The following KCTD8 variants were observed in gnomAD, a reference collection of about 807,000 sequenced individuals.
KCTD8 encodes the protein potassium channel tetramerization domain containing 8, also known as BTB/POZ domain-containing protein KCTD8.
In KCTD8, 27 loss-of-function variants were observed where a neutral mutation model predicts 31.5. That is an observed-to-expected ratio of 0.86 (90% CI 0.63 to 1.18). The LOEUF (loss-of-function observed/expected upper bound fraction) is 1.18. Among genes scored for constraint, KCTD8 ranks in the 50% most tolerant of loss-of-function variants. KCTD8 has a pLI of 0.00. For synonymous variants in KCTD8, 290 were observed against 280.0 expected, an observed-to-expected ratio of 1.04 and a Z score of -0.36; for missense variants, 658 against 647.7, an observed-to-expected ratio of 1.02 and a Z score of -0.17.
At chr4:44,410,489 T>C (rs1175281030) in intron 1 of KCTD8, among the ~76,000 whole-genome samples, 2 of 152,138 alleles carry the variant, frequency 1.3e-5, no homozygotes, top group South Asian at 2.1e-4. Flanking sequence ...GGTTAAGTAA[T>C]TTTCCCAAAT....
intron 1 of KCTD8, among the ~76,000 whole-genome samples, chr4:44,231,757 A>G (rs892171818): frequency 6.6e-6 from 1 of 152,032 alleles, no homozygotes; most frequent in Non-Finnish European, 1.5e-5. Context: ...ATTTTTCTGG[A>G]ATGAGTAAAT....
intron 1 of KCTD8, among the ~76,000 whole-genome samples, chr4:44,197,276 C>A (rs918399257): frequency 3.2e-4 from 49 of 152,208 alleles, no homozygotes; most frequent in African/African-American, 1.1e-3. Context: ...CTCCACAGGG[C>A]AAGTCCAGGA....
At chr4:44,392,648 G>A (rs2109450914) in intron 1 of KCTD8, among the ~76,000 whole-genome samples, 1 of 152,060 alleles carries the variant, frequency 6.6e-6, no homozygotes, top group South Asian at 2.1e-4. Context: ...CTTAATAAGT[G>A]GTTTTTGATC....
At chr4:44,320,179 A>AT (rs1249955648) in intron 1 of KCTD8, among the ~76,000 whole-genome samples, 2 of 143,884 alleles carry the variant, frequency 1.4e-5, no homozygotes, top group Non-Finnish European at 3.0e-5. Context: ...TCAAAAAAAA[A>AT]AAAAAAAAAA....
chr4:44,185,001 A>G (rs986988367), intron 1 of KCTD8, among the ~76,000 whole-genome samples: 7 of 152,238 alleles, frequency 4.6e-5, no homozygotes, highest in African/African-American at 1.7e-4. Context: ...AATGCAGCAT[A>G]AGAAAAGAAA....
chr4:44,327,816 T>TA (rs1718488013), intron 1 of KCTD8, among the ~76,000 whole-genome samples: 1 of 151,818 alleles, frequency 6.6e-6, no homozygotes. Flanking sequence ...TCCTAACTCA[T>TA]ACAGTTGCTG....
chr4:44,430,535 T>C (rs1267623850), intron 1 of KCTD8, among the ~76,000 whole-genome samples: 1 of 151,600 alleles, frequency 6.6e-6, no homozygotes, highest in African/African-American at 2.4e-5. Context: ...ATGGCCTATC[T>C]TTGTTGTCCT....
At chr4:44,185,988 G>C (rs1001428695) in intron 1 of KCTD8, among the ~76,000 whole-genome samples, 1 of 152,100 alleles carries the variant, frequency 6.6e-6, no homozygotes, top group Admixed American at 6.5e-5. Flanking sequence ...CTCCACCTTC[G>C]GGCCTGTGCC....
intron 1 of KCTD8, among the ~76,000 whole-genome samples, chr4:44,323,325 C>G (rs1368012541): frequency 6.6e-6 from 1 of 151,834 alleles, no homozygotes; most frequent in East Asian, 1.9e-4. Flanking sequence ...GAAGCCCTCC[C>G]TCTTCTAAAA....
chr4:44,366,057 T>C (rs1456786016), intron 1 of KCTD8, among the ~76,000 whole-genome samples: 41 of 152,170 alleles, frequency 2.7e-4, no homozygotes, highest in Admixed American at 2.6e-3. Context: ...TATATATCGG[T>C]TGTCTGCATA....
chr4:44,302,392 A>T (rs906684339), intron 1 of KCTD8, among the ~76,000 whole-genome samples: 1 of 152,012 alleles, frequency 6.6e-6, no homozygotes. Context: ...CTTTTATTTC[A>T]TTGAGCAGTG....
intron 1 of KCTD8, among the ~76,000 whole-genome samples, chr4:44,394,119 T>G (rs2109451951): frequency 6.6e-6 from 1 of 152,040 alleles, no homozygotes; most frequent in Non-Finnish European, 1.5e-5. Context: ...ATATAGAAAA[T>G]TCATTCCAAA....
chr4:44,355,655 T>C (rs1213323980), intron 1 of KCTD8, among the ~76,000 whole-genome samples: 1 of 152,180 alleles, frequency 6.6e-6, no homozygotes, highest in Non-Finnish European at 1.5e-5. Flanking sequence ...TTTTGACAGC[T>C]AGGGTTGACT....
At chr4:44,288,981 G>A (rs1256353563) in intron 1 of KCTD8, among the ~76,000 whole-genome samples, 3 of 151,074 alleles carry the variant, frequency 2.0e-5, no homozygotes, top group Non-Finnish European at 3.0e-5. Context: ...AAATGATACA[G>A]GTTAAAATAT....
In KCTD8 at chr4:44,444,565, G is replaced by A. The variant is rs190670389; in HGVS notation, c.961+2998C>T. On this transcript the variant is annotated intron_variant, in intron 1 of 1. Coordinates refer to ENST00000360029, the MANE Select transcript of KCTD8 (RefSeq NM_198353.3). ...ATAGTTAACAGCTAACATTTGTTAA[G>A]CTTTTATTATGAGTCAGGCACTAAT... 2.4e-3 allele frequency among the ~76,000 whole-genome samples: 358 copies of A among 152,214 alleles called. 4 individuals carry two copies. Among genetic ancestry groups the A allele is most frequent in the Non-Finnish European group, 4.0e-4 (27 of 68,018 alleles).
intron 1 of KCTD8, among the ~76,000 whole-genome samples, chr4:44,395,504 G>C (rs1577653150): frequency 6.6e-6 from 1 of 151,988 alleles, no homozygotes; most frequent in Non-Finnish European, 1.5e-5. Flanking sequence ...AGGATTCTGG[G>C]AACACCCATA....
rs146705471 is a variant in KCTD8 at position 44,442,005 on chromosome 4, T to C, written c.961+5558A>G. On this transcript the variant is annotated intron_variant, in intron 1 of 1. Coordinates refer to ENST00000360029, the MANE Select transcript of KCTD8 (RefSeq NM_198353.3). ...TCATTAAATGTGTAAACTTATTAAA[T>C]GTATAAAACCAAATAAACCAAAAAA... is the stretch of plus-strand genomic sequence containing the variant. Among the ~76,000 whole-genome samples the C allele has an allele frequency of 5.9e-3, 893 of 152,262 alleles. 5 individuals are homozygous for C. Among genetic ancestry groups the C allele is most frequent in the Non-Finnish European group, 0.01 (701 of 67,996 alleles).
chr4:44,324,722 T>C (rs536930244), intron 1 of KCTD8, among the ~76,000 whole-genome samples: 1 of 152,180 alleles, frequency 6.6e-6, no homozygotes, highest in East Asian at 1.9e-4. Context: ...TGTTCTAATA[T>C]CAATATTGGC....
chr4:44,236,984 T>C (rs1715309697), intron 1 of KCTD8, among the ~76,000 whole-genome samples: 1 of 152,210 alleles, frequency 6.6e-6, no homozygotes, highest in African/African-American at 2.4e-5. Flanking sequence ...TCCACCATGA[T>C]TGTGAGGCCT....
Sources: gnomAD v4.1 joint callset for allele counts (sites outside exome capture counted in the v4.1 genomes callset) on GRCh38, gnomAD v4.1.1 for gene constraint, MANE v1.5 for transcripts, NCBI Gene and HGNC (gene_info 2026-07-23, HGNC 2026-07-21) for gene names.